NDUFAF6: variants seen among roughly 807,000 people sequenced by gnomAD.
NDUFAF6 encodes NADH:ubiquinone oxidoreductase complex assembly factor 6.
NDUFAF6 carries 45 observed loss-of-function variants against 40.8 expected under a neutral mutation model. The ratio of observed to expected loss-of-function variants is 1.10; its 90% confidence interval spans 0.87 to 1.42. The LOEUF (loss-of-function observed/expected upper bound fraction) is 1.42, where lower values mean the gene tolerates loss of function less well. Ranked by LOEUF, NDUFAF6 falls within the 40% of genes most tolerant of loss-of-function variation. NDUFAF6 has a pLI of 0.00. For missense variants in NDUFAF6, 435 were observed against 418.5 expected (o/e 1.04, Z -0.34); for synonymous variants, 185 against 155.9 (o/e 1.19, Z -1.39).
upstream of NDUFAF6, among the ~76,000 whole-genome samples, chr8:95,100,141 C>T (rs1025052374): frequency 1.3e-5 from 2 of 152,038 alleles, no homozygotes; most frequent in African/African-American, 4.8e-5. Context: ...TTAATCATTT[C>T]CTGCCTTAGT....
chr8:95,093,212 C>T (rs969553905), intron 2 of NDUFAF6, among the ~76,000 whole-genome samples: 2 of 152,186 alleles, frequency 1.3e-5, no homozygotes, highest in Non-Finnish European at 2.9e-5. Context: ...ATTTCAGGAC[C>T]TTGAACAATC....
chr8:95,118,285 T>C (rs1044997483), downstream of NDUFAF6, among the ~76,000 whole-genome samples: 2 of 152,234 alleles, frequency 1.3e-5, no homozygotes, highest in Non-Finnish European at 2.9e-5. Flanking sequence ...CTGGATGTCC[T>C]GGAACATCCT....
chr8:95,004,834 A>G (rs2945567), intron 2 of NDUFAF6, among the ~76,000 whole-genome samples: 151,481 of 152,334 alleles, frequency 0.99, 75,322 homozygotes, highest in East Asian at 1. Context: ...CACATGATCC[A>G]TCTGTTCTGT....
intron 1 of NDUFAF6, among the ~76,000 whole-genome samples, chr8:94,932,552 C>T (rs893769837): frequency 6.6e-6 from 1 of 152,236 alleles, no homozygotes; most frequent in South Asian, 2.1e-4. Context: ...GCCTGTAATC[C>T]CAGCACTTTG....
chr8:95,029,491 A>G (rs1828578050), intron 1 of NDUFAF6, among the ~76,000 whole-genome samples: 1 of 152,258 alleles, frequency 6.6e-6, no homozygotes, highest in Non-Finnish European at 1.5e-5. Context: ...GAATCACAGT[A>G]CAGCCATCAA....
At chr8:95,093,601 T>G (rs1809341955) in intron 2 of NDUFAF6, among the ~76,000 whole-genome samples, 1 of 152,202 alleles carries the variant, frequency 6.6e-6, no homozygotes, top group Non-Finnish European at 1.5e-5. Context: ...CCCTGTCCCC[T>G]TTTTGTCTTT....
downstream of NDUFAF6, among the ~76,000 whole-genome samples, chr8:95,063,393 G>GT (rs1563848228): frequency 4.6e-5 from 7 of 152,170 alleles, no homozygotes; most frequent in African/African-American, 1.7e-4. Context: ...AAGGTCAGGA[G>GT]TTTAAGACCA....
chr8:94,918,549 T>C (rs1819287776), intron 1 of NDUFAF6, among the ~76,000 whole-genome samples: 1 of 152,256 alleles, frequency 6.6e-6, no homozygotes, highest in African/African-American at 2.4e-5. Context: ...TTCTATGTTA[T>C]GACATAGTCT....
intron 1 of NDUFAF6, among the ~76,000 whole-genome samples, chr8:95,026,100 T>A (rs992728922): frequency 1.3e-4 from 20 of 152,336 alleles, no homozygotes; most frequent in African/African-American, 3.4e-4. Context: ...GTTTTTTTTT[T>A]AATTCCATTT....
intron 2 of NDUFAF6, among the ~76,000 whole-genome samples, chr8:95,005,992 A>C (rs1021260904): frequency 6.6e-6 from 1 of 152,128 alleles, no homozygotes; most frequent in Non-Finnish European, 1.5e-5. Context: ...TACACCCAGA[A>C]TTAATTTTCC....
chr8:95,041,583 A>G lies in NDUFAF6; in HGVS notation c.434A>G (p.His145Arg), dbSNP rs1046542152. The G allele has an allele frequency of 8.1e-6, 13 of 1,611,032 alleles. No individual in the cohort carries two copies. The highest frequency in any genetic ancestry group is 1.3e-5 in the African/African-American group (1 of 74,996). The change falls in exon 4 of 9, where the codon CAT becomes CGT. Residue 145 changes from histidine to arginine, a missense_variant. Transcript: ENST00000396124. Reference protein sequence around the residue: ...AIELWKAVKRHNLTKRWLMKI... With the variant: ...AIELWKAVKRRNLTKRWLMKI... ...TTTGTTTTTTAGGCTGTTAAAAGACATAATCTGACTAAAAGATGGCTTATG... is the reference window on the plus strand; with the variant it reads ...TTTGTTTTTTAGGCTGTTAAAAGACGTAATCTGACTAAAAGATGGCTTATG...
chr8:94,911,932 C>T (rs991461315), intron 1 of NDUFAF6, among the ~76,000 whole-genome samples: 3 of 152,300 alleles, frequency 2.0e-5, no homozygotes, highest in East Asian at 3.9e-4. Context: ...GGTCTGGGCC[C>T]ACACTTGGTT....
At chr8:94,966,578 A>G (rs1368681748) in intron 1 of NDUFAF6, among the ~76,000 whole-genome samples, 1 of 152,216 alleles carries the variant, frequency 6.6e-6, no homozygotes, top group East Asian at 1.9e-4. Context: ...TGGGTGACAG[A>G]GTGAGACCTT....
At chr8:94,970,200 A>C (rs1169887567) in intron 1 of NDUFAF6, among the ~76,000 whole-genome samples, 2 of 146,130 alleles carry the variant, frequency 1.4e-5, no homozygotes, top group Non-Finnish European at 3.0e-5. Flanking sequence ...GGTTGCAGTG[A>C]GCCGAGATCA....
downstream of NDUFAF6, among the ~76,000 whole-genome samples, chr8:95,063,551 C>T (rs1832622734): frequency 6.6e-6 from 1 of 152,160 alleles, no homozygotes; most frequent in Non-Finnish European, 1.5e-5. Context: ...GAGCCGAGAT[C>T]GCTCCACTGC....
At chr8:94,990,913 T>C (rs1312805862) in intron 2 of NDUFAF6, among the ~76,000 whole-genome samples, 2 of 152,190 alleles carry the variant, frequency 1.3e-5, no homozygotes, top group East Asian at 3.8e-4. Flanking sequence ...AAGCCCTTCC[T>C]ATGCAGGAGA....
At chr8:94,912,846 G>A (rs1350754922) in intron 1 of NDUFAF6, among the ~76,000 whole-genome samples, 1 of 151,418 alleles carries the variant, frequency 6.6e-6, no homozygotes, top group Non-Finnish European at 1.5e-5. Context: ...GGGCATGGTG[G>A]CACATGCCTG....
At chr8:95,005,745 A>G (rs1826949225) in intron 2 of NDUFAF6, among the ~76,000 whole-genome samples, 1 of 151,338 alleles carries the variant, frequency 6.6e-6, no homozygotes, top group African/African-American at 2.4e-5. Context: ...TTTCTCTTCT[A>G]TCCTTCTCTA....
chr8:94,902,505 A>T (rs897300213), intron 1 of NDUFAF6, among the ~76,000 whole-genome samples: 2 of 151,964 alleles, frequency 1.3e-5, no homozygotes, highest in Non-Finnish European at 2.9e-5. Flanking sequence ...GTTGTGGAAC[A>T]TTACCACCAC....
Sources: allele counts gnomAD v4.1 joint callset (sites outside exome capture counted in the v4.1 genomes callset), GRCh38; gene constraint gnomAD v4.1.1; transcripts MANE v1.5; gene names NCBI Gene and HGNC (gene_info 2026-07-23, HGNC 2026-07-21).